The following DTWD2 variants were observed in gnomAD, a reference collection of about 807,000 sequenced individuals.
DTWD2 encodes the protein DTW motif tRNA-uridine aminocarboxypropyltransferase 2, also known as tRNA-uridine aminocarboxypropyltransferase 2.
In DTWD2, 39 loss-of-function variants were observed where a neutral mutation model predicts 31.8. That is an observed-to-expected ratio of 1.22 (90% CI 0.95 to 1.60). The LOEUF is 1.60. Among genes scored for constraint, DTWD2 ranks in the 40% most tolerant of loss-of-function variants. The pLI is 0.00. For synonymous variants in DTWD2, 180 were observed against 142.8 expected (o/e 1.26, Z -1.86); for missense variants, 515 against 381.5 (o/e 1.35, Z -2.92).
chr5:118,947,195 G>A (rs558556279), intron 1 of DTWD2, among the ~76,000 whole-genome samples: 1 of 152,310 alleles, frequency 6.6e-6, no homozygotes, highest in Non-Finnish European at 1.5e-5. Flanking sequence ...CCCCGGCAGT[G>A]TCTAGGTGAG....
At chr5:118,898,054 G>T (rs376658057) in intron 4 of DTWD2, among the ~76,000 whole-genome samples, 1 of 151,604 alleles carries the variant, frequency 6.6e-6, no homozygotes, top group Non-Finnish European at 1.5e-5. Flanking sequence ...TAGTAGAGAT[G>T]GGTTTTTGCC....
chr5:118,877,088 A>C (rs1226242341), intron 4 of DTWD2, among the ~76,000 whole-genome samples: 3 of 152,218 alleles, frequency 2.0e-5, no homozygotes, highest in African/African-American at 7.2e-5. Context: ...CAAATCAATA[A>C]ATGTGAAAAC....
intron 4 of DTWD2, among the ~76,000 whole-genome samples, chr5:118,869,778 C>A (rs1056466360): frequency 2.0e-5 from 3 of 152,120 alleles, no homozygotes; most frequent in African/African-American, 7.2e-5. Flanking sequence ...TCAACTGAGC[C>A]ATTTTACTTC....
intron 1 of DTWD2, among the ~76,000 whole-genome samples, chr5:118,957,703 G>A (rs912074538): frequency 6.6e-6 from 1 of 152,196 alleles, no homozygotes; most frequent in African/African-American, 2.4e-5. Context: ...GAGAGTTTCA[G>A]AGACTTGTGC....
chr5:118,952,515 G>A (rs1182350924), intron 1 of DTWD2, among the ~76,000 whole-genome samples: 1 of 152,100 alleles, frequency 6.6e-6, no homozygotes, highest in Non-Finnish European at 1.5e-5. Flanking sequence ...CGTCTGAGCC[G>A]GGAGAAGGAA....
chr5:118,905,032 A>C (rs770735637), intron 4 of DTWD2, among the ~76,000 whole-genome samples: 4 of 152,120 alleles, frequency 2.6e-5, no homozygotes, highest in Non-Finnish European at 4.4e-5. Context: ...AATCACCTTG[A>C]CATAATTTTA....
chr5:118,985,517 T>TATATATATATATAC (rs1554072595), intron 1 of DTWD2, among the ~76,000 whole-genome samples: 3,247 of 107,104 alleles, frequency 0.03, 55 homozygotes, highest in Middle Eastern at 0.046. Flanking sequence ...TATATATATA[T>TATATATATATATAC]ACACACACAT....
chr5:118,865,601 A>T (rs1031832728), intron 4 of DTWD2, among the ~76,000 whole-genome samples: 5 of 152,240 alleles, frequency 3.3e-5, no homozygotes, highest in African/African-American at 1.2e-4. Context: ...AAATACACAC[A>T]AATGAAAATT....
intron 4 of DTWD2, among the ~76,000 whole-genome samples, chr5:118,926,747 C>G (rs892737341): frequency 2.0e-5 from 3 of 151,932 alleles, no homozygotes; most frequent in African/African-American, 7.3e-5. Context: ...CTCTGGCACC[C>G]AGGCTGGAGT....
At chr5:118,873,143 T>C (rs1481319845) in intron 4 of DTWD2, among the ~76,000 whole-genome samples, 1 of 152,156 alleles carries the variant, frequency 6.6e-6, no homozygotes, top group Non-Finnish European at 1.5e-5. Flanking sequence ...GACACTGAGG[T>C]AGCAGGAAAA....
intron 1 of DTWD2, among the ~76,000 whole-genome samples, chr5:118,958,043 A>G (rs1754626676): frequency 6.6e-6 from 1 of 152,208 alleles, no homozygotes; most frequent in Non-Finnish European, 1.5e-5. Context: ...AATCAACTGC[A>G]GTATGTAATC....
chr5:118,967,720 A>G (rs1031315669), intron 1 of DTWD2, among the ~76,000 whole-genome samples: 20 of 152,234 alleles, frequency 1.3e-4, no homozygotes, highest in African/African-American at 4.8e-4. Flanking sequence ...ATGGGGAGAA[A>G]AAGACACAGC....
chr5:118,982,579 A>G (rs1299357401), intron 1 of DTWD2, among the ~76,000 whole-genome samples: 1 of 152,186 alleles, frequency 6.6e-6, no homozygotes, highest in African/African-American at 2.4e-5. Context: ...TCTCTTGAGA[A>G]TATATCTTTG....
At chr5:118,902,452 C>A (rs1753234007) in intron 4 of DTWD2, among the ~76,000 whole-genome samples, 1 of 152,054 alleles carries the variant, frequency 6.6e-6, no homozygotes, top group Non-Finnish European at 1.5e-5. Context: ...ACCCAGATTT[C>A]TGTAAATCAA....
At position 118,921,187 on chromosome 5, in the gene DTWD2, G is replaced by A. The variant is rs1180632083; in HGVS notation, c.597+7350C>T. The stretch of plus-strand genomic sequence containing the variant: ...GAGGGGTACACAGCACCCTAAAACA[G>A]AAGCCAAAAAGATCCAGAGGTGTGG... On this transcript the variant is annotated intron_variant, in intron 4 of 5. Coordinates refer to ENST00000510708, the MANE Select transcript of DTWD2 (RefSeq NM_173666.4). Among the ~76,000 whole-genome samples, 6 of 152,110 alleles carry A rather than the reference G, an allele frequency of 3.9e-5. No homozygotes were observed. The East Asian group carries it at 1.2e-3, about 29-fold the overall frequency.
At chr5:118,931,999 A>G (rs1219622276) in intron 3 of DTWD2, among the ~76,000 whole-genome samples, 2 of 152,218 alleles carry the variant, frequency 1.3e-5, no homozygotes, top group African/African-American at 4.8e-5. Flanking sequence ...GATAAGTCCC[A>G]AGGGAAATTT....
chr5:118,844,006 G>C (rs1238077191), intron 5 of DTWD2, among the ~76,000 whole-genome samples: 1 of 152,188 alleles, frequency 6.6e-6, no homozygotes, highest in African/African-American at 2.4e-5. Context: ...CTCCTTCCTT[G>C]ATGAAAGTGG....
chr5:118,870,616 T>C (rs924928350), intron 4 of DTWD2, among the ~76,000 whole-genome samples: 1 of 152,228 alleles, frequency 6.6e-6, no homozygotes, highest in Non-Finnish European at 1.5e-5. Flanking sequence ...CTTACACTCA[T>C]CTGAGCCTTC....
chr5:118,914,217 G>A (rs138717326), intron 4 of DTWD2, among the ~76,000 whole-genome samples: 75 of 152,230 alleles, frequency 4.9e-4, no homozygotes, highest in African/African-American at 1.7e-3. Context: ...AAGCATTTCT[G>A]TCATGAAGCT....
Sources: allele counts gnomAD v4.1 joint callset (sites outside exome capture counted in the v4.1 genomes callset), GRCh38; gene constraint gnomAD v4.1.1; transcripts MANE v1.5; gene names NCBI Gene and HGNC (gene_info 2026-07-23, HGNC 2026-07-21).